DGLUCY: variants seen among roughly 807,000 people sequenced by gnomAD.
DGLUCY encodes the protein D-glutamate cyclase, mitochondrial.
A neutral mutation model predicts 58.5 loss-of-function variants in DGLUCY; 58 were observed. That is an observed-to-expected ratio of 0.99 (90% CI 0.80 to 1.23). The LOEUF is 1.23. DGLUCY is among the 50% of genes most tolerant of loss of function. DGLUCY has a pLI of 0.00. For missense variants in DGLUCY, 779 were observed against 784.7 expected, an observed-to-expected ratio of 0.99 and a Z score of 0.09; for synonymous variants, 325 against 314.1, an observed-to-expected ratio of 1.03 and a Z score of -0.37.
intron 1 of DGLUCY, among the ~76,000 whole-genome samples, chr14:91,077,778 G>A (rs1175464895): frequency 2.4e-5 from 3 of 124,092 alleles, no homozygotes; most frequent in African/African-American, 9.1e-5. Context: ...GAGAGAAAGA[G>A]AGGAAGGGAA....
intron 6 of DGLUCY, 167 bp downstream of exon 6, chr14:91,173,606 A>T: frequency 1.0e-6 from 1 of 957,380 alleles, no homozygotes; most frequent in Non-Finnish European, 1.5e-6. Flanking sequence ...GGGCCTAAGA[A>T]GCAGACAGGA....
chr14:91,073,998 A>G lies in DGLUCY; in HGVS notation c.-82+13294A>G, dbSNP rs969483668. Among the ~76,000 whole-genome samples, 7 of 151,498 alleles carry G rather than the reference A, an allele frequency of 4.6e-5. No individual in the cohort carries two copies. The South Asian group carries it at 6.3e-4, about 14-fold the overall frequency. On this transcript the variant is annotated intron_variant, in intron 1 of 4. Coordinates refer to the DGLUCY transcript ENST00000521334. The stretch of plus-strand genomic sequence containing the variant: ...TTGCCTGGCACGGTGGCTCACACCT[A>G]TAATCCCAGCACCTTGGGAAGTAGA...
At chr14:91,202,270 C>T (rs1340046366) in intron 11 of DGLUCY, among the ~76,000 whole-genome samples, 2 of 152,002 alleles carry the variant, frequency 1.3e-5, no homozygotes, top group Non-Finnish European at 2.9e-5. Context: ...CCTGGGGCCC[C>T]AGCCCTTTAT....
chr14:91,139,471 G>A (rs561557543), intron 1 of DGLUCY, among the ~76,000 whole-genome samples: 22 of 152,264 alleles, frequency 1.4e-4, no homozygotes, highest in African/African-American at 5.1e-4. Context: ...GATCACTTGA[G>A]GTCAGGAGTT....
intron 1 of DGLUCY, among the ~76,000 whole-genome samples, chr14:91,100,861 A>G (rs2044474180): frequency 6.6e-6 from 1 of 152,174 alleles, no homozygotes; most frequent in Non-Finnish European, 1.5e-5. Context: ...ACTTGAGCCC[A>G]GGAGTTCAAG....
chr14:91,073,268 C>T (rs747397838), intron 1 of DGLUCY, among the ~76,000 whole-genome samples: 1 of 151,966 alleles, frequency 6.6e-6, no homozygotes, highest in Non-Finnish European at 1.5e-5. Context: ...TGGATAAACC[C>T]CATCTCTACT....
At chr14:91,207,128 C>T (rs1311037306) in intron 12 of DGLUCY, among the ~76,000 whole-genome samples, 1 of 116,634 alleles carries the variant, frequency 8.6e-6, no homozygotes, top group Non-Finnish European at 1.6e-5. Flanking sequence ...CATTGTACTC[C>T]AGCCTGGATG....
chr14:91,140,217 TCTC>T (rs1299869978), intron 1 of DGLUCY, among the ~76,000 whole-genome samples: 2 of 152,114 alleles, frequency 1.3e-5, no homozygotes, highest in African/African-American at 2.4e-5. Context: ...TCCTCCTTCT[TCTC>T]CTTCTTCACA....
chr14:91,111,198 A>ATGTGTGTGTG (rs1201886405), upstream of DGLUCY, among the ~76,000 whole-genome samples: 70 of 32,648 alleles, frequency 2.1e-3, no homozygotes, highest in African/African-American at 5.4e-3. Context: ...TTTTATTTAT[A>ATGTGTGTGTG]TATATGTGTG....
At chr14:91,207,334 T>A in intron 12 of DGLUCY, among the ~76,000 whole-genome samples, 1 of 149,212 alleles carries the variant, frequency 6.7e-6, no homozygotes, top group South Asian at 2.1e-4. Flanking sequence ...AGAGAAAAAG[T>A]GCTGGGGGAA....
chr14:91,204,666 C>T (rs1183604718), intron 11 of DGLUCY, 40 bp from the exon 12 acceptor site: 7 of 1,603,794 alleles, frequency 4.4e-6, no homozygotes, highest in Non-Finnish European at 6.0e-6. Flanking sequence ...CCCCATTTTG[C>T]CCTGGTCCCG....
Position 91,199,850 on chromosome 14 carries a change from C to T in DGLUCY, c.1389C>T (p.Asp463=), listed in dbSNP as rs760799116. ...AGATGAACATCAAGCACTTGGTTGA[C>T]CCCATTGACGATCTTTTTCTTGCTG... ...ARKMNIKHLV[D]PIDDLFLAAK... The change falls in exon 11 of 14, where the codon GAC becomes GAT. Residue 463 remains aspartate (D), a synonymous_variant. Coordinates refer to ENST00000256324, the MANE Select transcript of DGLUCY (RefSeq NM_001102368.3). 2 of 1,614,046 alleles carry T rather than the reference C, an allele frequency of 1.2e-6. No individual in the cohort carries two copies. The highest frequency in any genetic ancestry group is 1.6e-4 in the Middle Eastern group (1 of 6,084).
exon 1 of DGLUCY, chr14:91,060,346 T>A: frequency 6.9e-7 from 1 of 1,449,862 alleles, no homozygotes; most frequent in Non-Finnish European, 9.2e-7. Context: ...CCGCAGCTCG[T>A]GCTTGACAGT....
chr14:91,146,477 C>T (rs1566965401), intron 1 of DGLUCY, among the ~76,000 whole-genome samples: 1 of 152,316 alleles, frequency 6.6e-6, no homozygotes, highest in East Asian at 1.9e-4. Context: ...CACAGTCATC[C>T]TCCACTCCCA....
chr14:91,110,967 A>G (rs1425171971), upstream of DGLUCY, among the ~76,000 whole-genome samples: 2 of 152,056 alleles, frequency 1.3e-5, no homozygotes, highest in African/African-American at 2.4e-5. Context: ...GCCTAACTCC[A>G]GGTACTTCAT....
intron 1 of DGLUCY, among the ~76,000 whole-genome samples, chr14:91,066,419 G>T (rs1037231099): frequency 1.4e-5 from 2 of 146,414 alleles, no homozygotes; most frequent in Non-Finnish European, 3.0e-5. Flanking sequence ...GGAAAGAAAA[G>T]AAACTGACTT....
chr14:91,063,793 G>T (rs1258402150), intron 1 of DGLUCY, among the ~76,000 whole-genome samples: 1 of 152,196 alleles, frequency 6.6e-6, no homozygotes, highest in African/African-American at 2.4e-5. Flanking sequence ...AATATTTTTG[G>T]ACTTTATCCT....
At chr14:91,061,139 C>A (rs929558027) in intron 1 of DGLUCY, among the ~76,000 whole-genome samples, 3 of 152,136 alleles carry the variant, frequency 2.0e-5, no homozygotes, top group African/African-American at 7.2e-5. Context: ...GCTTATCACC[C>A]ACGTGTTTGC....
intron 1 of DGLUCY, among the ~76,000 whole-genome samples, chr14:91,073,831 G>A (rs191241365): frequency 3.3e-5 from 5 of 152,158 alleles, no homozygotes; most frequent in Non-Finnish European, 7.4e-5. Flanking sequence ...GCTGCAGTGA[G>A]CTATGACCGT....
Sources: gnomAD v4.1 joint callset for allele counts (sites outside exome capture counted in the v4.1 genomes callset) on GRCh38, gnomAD v4.1.1 for gene constraint, MANE v1.5 for transcripts, NCBI Gene and HGNC (gene_info 2026-07-23, HGNC 2026-07-21) for gene names.